Variants in COL4A5 observed in about 807,000 individuals in gnomAD.
COL4A5 encodes collagen alpha-5(IV) chain.
COL4A5 carries 26 observed loss-of-function variants against 130.2 expected under a neutral mutation model. The ratio of observed to expected loss-of-function variants is 0.20; its 90% CI spans 0.15 to 0.28. COL4A5 has a LOEUF of 0.28. Among genes scored for constraint, COL4A5 ranks in the 10% least tolerant of loss-of-function variants. COL4A5 has a pLI of 1.00. For synonymous variants in COL4A5, 496 were observed against 439.6 expected, an observed-to-expected ratio of 1.13 and a Z score of -1.60; for missense variants, 1,131 against 1,344.3, an observed-to-expected ratio of 0.84 and a Z score of 2.48.
rs1225925114 is a variant in COL4A5, at chrX:108,580,691, G to A, written c.844G>A (p.Gly282Ser). ...PGIRGPPGPP[G>S]GEKGEKGEQG... ...ATTTTTATGTGTACAGGGTCCCCCAGGTGGTGAGAAAGGTGAGAAGGGTGA... is the reference window on the plus strand; with the variant it reads ...ATTTTTATGTGTACAGGGTCCCCCAAGTGGTGAGAAAGGTGAGAAGGGTGA... The change falls in exon 15 of 53, where the codon GGT becomes AGT. Residue 282 changes from glycine (G) to serine (S), a missense_variant. Gly to Ser is a moderately conservative substitution (Grantham distance 56). Coordinates refer to ENST00000328300, the MANE Select transcript of COL4A5 (RefSeq NM_033380.3). The A allele has an allele frequency of 8.3e-7, 1 of 1,208,797 alleles. No individual in the cohort carries two copies. The highest frequency in any genetic ancestry group is 1.1e-6 in the Non-Finnish European group (1 of 894,394).
rs1038946482 is a variant in COL4A5 at position 108,458,388 on chromosome X, C to G, written c.81+18182C>G. 4.5e-5 allele frequency among the ~76,000 whole-genome samples: 5 copies of G among 111,681 alleles called. No individual in the cohort carries two copies. In the Admixed American group the frequency reaches 4.8e-4, roughly 11 times the overall value. On this transcript the variant is annotated intron_variant, in intron 1 of 52. Coordinates refer to ENST00000328300, the MANE Select transcript of COL4A5 (RefSeq NM_033380.3). ...TAGTCTGTTTCACCAATCTCTATGT[C>G]TATCCTTATGCCAATACCACAATGT...
chrX:108,581,355 A>G (rs1302884863), intron 16 of COL4A5, among the ~76,000 whole-genome samples: 1 of 111,791 alleles, frequency 8.9e-6, no homozygotes, highest in Non-Finnish European at 1.9e-5. Flanking sequence ...GTTACACCAA[A>G]TATAAATTTG....
chrX:108,520,047 G>C lies in COL4A5; in HGVS notation c.82-19699G>C, dbSNP rs187373066. Among the ~76,000 whole-genome samples the C allele has an allele frequency of 9.9e-4, 109 of 110,497 alleles. 4 individuals carry two copies. The East Asian group carries it at 0.03, about 30-fold the overall frequency. ...TTCTTTCAATAATGGCTAGGCCCTA[G>C]GTTAAATCCAACTTTATCACATTTT... On this transcript the variant is annotated intron_variant, in intron 1 of 52. Coordinates refer to ENST00000328300, the MANE Select transcript of COL4A5 (RefSeq NM_033380.3).
At chrX:108,547,573 G>T (rs1303368144) in intron 2 of COL4A5, among the ~76,000 whole-genome samples, 6 of 112,166 alleles carry the variant, frequency 5.3e-5, no homozygotes, top group Non-Finnish European at 5.6e-5. Context: ...CACTTGAGGA[G>T]GCAGTCTGTC....
chrX:108,453,265 T>C (rs2064546775), intron 1 of COL4A5, among the ~76,000 whole-genome samples: 1 of 111,841 alleles, frequency 8.9e-6, no homozygotes. Flanking sequence ...AAAAGGCTAT[T>C]AGAATGCACA....
intron 2 of COL4A5, among the ~76,000 whole-genome samples, chrX:108,557,196 AT>A (rs762633458): frequency 2.7e-5 from 3 of 110,626 alleles, no homozygotes; most frequent in Non-Finnish European, 5.7e-5. Flanking sequence ...CTGTAACTAG[AT>A]TTTTTTTCCT....
rs1045653962 is a variant in COL4A5, at chrX:108,622,552, G to A, written c.2768-124G>A. 4.2e-5 allele frequency: 28 copies of A among 667,433 alleles called. No individual in the cohort carries two copies. In the Admixed American group the frequency reaches 6.4e-4, roughly 15 times the overall value. The allele number at this position is 667,433 out of a possible 1,213,427, so 55.0% of individuals were successfully genotyped here. A position where few individuals can be genotyped will look rare whatever the true frequency, so the allele number is the denominator to read the frequency against. ...CAAGTAATTCATAGAGTACATCCAA[G>A]GTGCATAAATGTTTTGAGTGGCCAG... is the stretch of plus-strand genomic sequence containing the variant. On this transcript the variant is annotated intron_variant, in intron 32 of 52. Coordinates refer to ENST00000328300, the MANE Select transcript of COL4A5 (RefSeq NM_033380.3).
chrX:108,583,784 T>A (rs889001861), intron 17 of COL4A5, among the ~76,000 whole-genome samples: 4 of 111,235 alleles, frequency 3.6e-5, no homozygotes, highest in African/African-American at 1.3e-4. Flanking sequence ...AGAGTCAGAA[T>A]AGAAGTATGA....
Position 108,668,446 on chromosome X carries a change from T to C in COL4A5, c.3732T>C (p.Gly1244=), listed in dbSNP as rs1477546465. The C allele has an allele frequency of 8.3e-7, 1 of 1,209,053 alleles. No homozygotes were observed. Among genetic ancestry groups the C allele is most frequent in the Admixed American group, 2.2e-5 (1 of 45,915 alleles). ...CCCCAGGCCCTCCTGGTTCTCCGGG[T>C]CCAGCTCTGGAAGGACCTAAAGGCA... ...QGPPGPPGSP[G]PALEGPKGNP... The change falls in exon 41 of 53, where the codon GGT becomes GGC. Residue 1244 remains glycine (G), a synonymous_variant. Coordinates refer to ENST00000328300, the MANE Select transcript of COL4A5 (RefSeq NM_033380.3).
intron 2 of COL4A5, among the ~76,000 whole-genome samples, chrX:108,540,923 G>T (rs1343293746): frequency 8.9e-6 from 1 of 112,151 alleles, no homozygotes; most frequent in African/African-American, 3.2e-5. Flanking sequence ...TATACTAGGA[G>T]ATGGGATCAT....
chrX:108,540,476 G>T (rs1320917641), intron 2 of COL4A5, among the ~76,000 whole-genome samples: 3 of 110,744 alleles, frequency 2.7e-5, no homozygotes, highest in African/African-American at 9.9e-5. Context: ...TTTGAGACAC[G>T]GTCTTGCTCT....
In COL4A5 at chrX:108,573,453, G is replaced by A. The variant is rs186559565; in HGVS notation, c.466-121G>A. On this transcript the variant is annotated intron_variant, in intron 8 of 52. Transcript: ENST00000328300. ...GTAAACTTATCATTTTTATTACTGA[G>A]ATGGCCTAATCTTTTAGTACATCTC... The A allele has an allele frequency of 1.6e-4, 90 of 563,448 alleles. No homozygotes were observed. In the Admixed American group the frequency reaches 2.1e-3, roughly 13 times the overall value. The allele number at this position is 563,448 out of a possible 1,213,427, so 46.4% of individuals were successfully genotyped here.
intron 25 of COL4A5, among the ~76,000 whole-genome samples, chrX:108,599,434 A>G (rs1386702034): frequency 9.5e-6 from 1 of 105,035 alleles, no homozygotes; most frequent in Non-Finnish European, 1.9e-5. Flanking sequence ...ATTGCTATAT[A>G]GTATTTCATT....
At chrX:108,461,001 G>A (rs1394636472) in intron 1 of COL4A5, among the ~76,000 whole-genome samples, 1 of 110,314 alleles carries the variant, frequency 9.1e-6, no homozygotes, top group Non-Finnish European at 1.9e-5. Context: ...TTCTGTTATA[G>A]CGCAAGCTTA....
chrX:108,655,971 T>C (rs1342381340), intron 37 of COL4A5, among the ~76,000 whole-genome samples: 1 of 112,169 alleles, frequency 8.9e-6, no homozygotes, highest in African/African-American at 3.2e-5. Context: ...TTGAATTTAT[T>C]TTTTGCTTGT....
chrX:108,659,197 G>C (rs372490272), intron 37 of COL4A5, among the ~76,000 whole-genome samples: 4 of 110,872 alleles, frequency 3.6e-5, no homozygotes, highest in Middle Eastern at 9.3e-3. Flanking sequence ...ACAAATATTT[G>C]GGGGCTTCCC....
At chrX:108,473,634 T>TATATATATATA (rs1556359558) in intron 1 of COL4A5, among the ~76,000 whole-genome samples, 3 of 22,907 alleles carry the variant, frequency 1.3e-4, no homozygotes, top group Admixed American at 2.9e-4. Flanking sequence ...TATATATATA[T>TATATATATATA]TTTTTTTTTT....
intron 1 of COL4A5, among the ~76,000 whole-genome samples, chrX:108,472,024 A>G (rs1192903044): frequency 9.0e-6 from 1 of 111,199 alleles, no homozygotes; most frequent in Non-Finnish European, 1.9e-5. Context: ...CATAATTTTT[A>G]GTATGTTGTA....
intron 31 of COL4A5, 60 bp downstream of exon 31, chrX:108,620,486 G>A: frequency 2.1e-6 from 2 of 952,032 alleles, no homozygotes; most frequent in Non-Finnish European, 3.0e-6. Flanking sequence ...ATACGACTCT[G>A]GTAGATAATT....
Sources: gnomAD v4.1 joint callset for allele counts (sites outside exome capture counted in the v4.1 genomes callset) on GRCh38, gnomAD v4.1.1 for gene constraint, MANE v1.5 for transcripts, NCBI Gene and HGNC (gene_info 2026-07-23, HGNC 2026-07-21) for gene names.